Variants in ZBBX observed in about 807,000 individuals in gnomAD.
ZBBX encodes zinc finger B-box domain containing.
A neutral mutation model predicts 108.5 loss-of-function variants in ZBBX; 101 were observed. That is an observed-to-expected ratio of 0.93 (90% CI 0.79 to 1.10). The LOEUF (loss-of-function observed/expected upper bound fraction) is 1.10. Ranked by LOEUF, ZBBX falls within the 50% of genes least tolerant of loss-of-function variation. The pLI is 0.00. For missense variants in ZBBX, 1,009 were observed against 941.4 expected (o/e 1.07, Z -0.94); for synonymous variants, 356 against 323.4 (o/e 1.10, Z -1.08).
the ZBBX span, among the ~76,000 whole-genome samples, chr3:167,180,726 C>T: frequency 0.013 from 2,051 of 152,258 alleles, 22 homozygotes; most frequent in South Asian, 0.026. Flanking sequence ...GGTTGTTTAC[C>T]GCAGGAATTG....
At chr3:167,375,928 G>T (rs1213426668) in intron 2 of ZBBX, among the ~76,000 whole-genome samples, 2 of 152,172 alleles carry the variant, frequency 1.3e-5, no homozygotes, top group Non-Finnish European at 2.9e-5. Context: ...GTATTTAACT[G>T]TTCCTTTGTG....
At chr3:167,209,458 ATTC>A in the ZBBX span, among the ~76,000 whole-genome samples, 2,909 of 152,212 alleles carry the variant, frequency 0.019, 103 homozygotes, top group African/African-American at 0.067. Flanking sequence ...AATCCAGAAA[ATTC>A]TTCTGGATCT....
chr3:167,350,547 T>G (rs1472210815), intron 8 of ZBBX, 32 bp from the exon 9 acceptor site: 1 of 1,427,878 alleles, frequency 7.0e-7, no homozygotes, highest in East Asian at 2.4e-5. Flanking sequence ...AATTATACAA[T>G]CTTATAAAAT....
At chr3:167,230,978 C>T in the ZBBX span, among the ~76,000 whole-genome samples, 1 of 151,682 alleles carries the variant, frequency 6.6e-6, no homozygotes, top group South Asian at 2.1e-4. Flanking sequence ...GTTAACGAGA[C>T]TCACTGCAAA....
At chr3:167,246,685 G>A (rs760851246) in intron 20 of ZBBX, among the ~76,000 whole-genome samples, 1 of 152,178 alleles carries the variant, frequency 6.6e-6, no homozygotes, top group Admixed American at 6.5e-5. Context: ...ATGCTTTAAA[G>A]TGCATTATTA....
intron 1 of ZBBX, among the ~76,000 whole-genome samples, chr3:167,406,173 A>G (rs1369349993): frequency 3.9e-5 from 6 of 152,258 alleles, no homozygotes. Flanking sequence ...ATAGTCTTCA[A>G]TAACATTTTT....
intron 9 of ZBBX, among the ~76,000 whole-genome samples, chr3:167,336,415 C>T (rs966358119): frequency 1.3e-5 from 2 of 152,096 alleles, no homozygotes; most frequent in Non-Finnish European, 1.5e-5. Flanking sequence ...TCTAGAACAT[C>T]ATACTCTTAA....
chr3:167,399,849 C>G (rs1263840621), intron 1 of ZBBX, among the ~76,000 whole-genome samples: 1 of 152,028 alleles, frequency 6.6e-6, no homozygotes, highest in Non-Finnish European at 1.5e-5. Flanking sequence ...TTTTCTAGCC[C>G]TATTCCCCCT....
chr3:167,256,122 C>T (rs1482142376), intron 20 of ZBBX, among the ~76,000 whole-genome samples: 1 of 152,076 alleles, frequency 6.6e-6, no homozygotes, highest in African/African-American at 2.4e-5. Flanking sequence ...TCCATGTTGT[C>T]ACAAATGACA....
intron 17 of ZBBX, among the ~76,000 whole-genome samples, chr3:167,301,445 A>G (rs993604867): frequency 6.6e-6 from 1 of 152,228 alleles, no homozygotes; most frequent in African/African-American, 2.4e-5. Flanking sequence ...GAACGGCAGG[A>G]AAGAGTTTTC....
At chr3:167,276,341 GA>G in intron 20 of ZBBX, among the ~76,000 whole-genome samples, 1 of 151,494 alleles carries the variant, frequency 6.6e-6, no homozygotes, top group East Asian at 1.9e-4. Context: ...TGAAAACTTT[GA>G]AAAAAATTTA....
At chr3:167,323,246 G>GA in intron 11 of ZBBX, among the ~76,000 whole-genome samples, 1 of 149,230 alleles carries the variant, frequency 6.7e-6, no homozygotes, top group East Asian at 2.0e-4. Context: ...AGAGGGGGGG[G>GA]GGGGAAAGAA....
At chr3:167,373,626 A>C (rs1577119039) in intron 3 of ZBBX, 80 bp downstream of exon 3, 1 of 152,216 alleles carries the variant, frequency 6.6e-6, no homozygotes, top group African/African-American at 2.4e-5. Context: ...ATGTATGTAC[A>C]TACTATATTC....
At position 167,314,089 on chromosome 3, in the gene ZBBX, A is replaced by G. The variant is rs1347609746; in HGVS notation, c.1302T>C (p.Asn434=). ...RSCAFHDCQK[N]SFPYENGIHQ... ...GGATGCCATTTTCATATGGAAAGCTATTCTTCTGACAATCATGAAAAGCAC... is the reference window on the plus strand; with the variant it reads ...GGATGCCATTTTCATATGGAAAGCTGTTCTTCTGACAATCATGAAAAGCAC... Residue 434 remains asparagine, a synonymous_variant, in exon 16 of 22, where the codon AAT becomes AAC. Coordinates refer to ENST00000675490, the MANE Select transcript of ZBBX (RefSeq NM_001199201.2). 6.3e-7 allele frequency: 1 copy of G among 1,599,626 alleles called. No homozygotes were observed. The highest frequency in any genetic ancestry group is 1.3e-5 in the African/African-American group (1 of 74,346).
At chr3:167,380,410 G>A (rs1214404365), upstream of ZBBX, 1 of 151,806 alleles carries the variant, frequency 6.6e-6, no homozygotes, top group Non-Finnish European at 1.5e-5. Context: ...AGGAGCCTGC[G>A]AAATGAGAGA....
intron 1 of ZBBX, among the ~76,000 whole-genome samples, chr3:167,407,053 C>G (rs1748606677): frequency 6.6e-6 from 1 of 152,154 alleles, no homozygotes; most frequent in African/African-American, 2.4e-5. Flanking sequence ...CCTTGTTTTT[C>G]AAGTGGTCAC....
chr3:167,385,214 C>T (rs1747874297), upstream of ZBBX, among the ~76,000 whole-genome samples: 1 of 151,920 alleles, frequency 6.6e-6, no homozygotes, highest in Non-Finnish European at 1.5e-5. Flanking sequence ...TTTGGTATAG[C>T]CTATTGCTTC....
intron 20 of ZBBX, among the ~76,000 whole-genome samples, chr3:167,275,649 T>C (rs531122413): frequency 1.3e-5 from 2 of 152,314 alleles, no homozygotes; most frequent in Admixed American, 1.3e-4. Context: ...ATCTCGCTGA[T>C]TGCTAGCACA....
chr3:167,247,454 A>T lies in ZBBX; in HGVS notation c.2255-4811T>A, dbSNP rs147345991. Among the ~76,000 whole-genome samples, 547 of 152,248 alleles carry T rather than the reference A, an allele frequency of 3.6e-3. 2 individuals are homozygous for T. The highest frequency in any genetic ancestry group is 0.013 in the African/African-American group (526 of 41,546). On this transcript the variant is annotated intron_variant, in intron 20 of 21. Transcript: ENST00000675490. ...TTCCACTCAATAAAACTTTGCACTCATTCTCAAAGACCACGTGTGATCCAA... is the reference window on the plus strand; with the variant it reads ...TTCCACTCAATAAAACTTTGCACTCTTTCTCAAAGACCACGTGTGATCCAA...
Sources: gnomAD v4.1 joint callset for allele counts (sites outside exome capture counted in the v4.1 genomes callset) on GRCh38, gnomAD v4.1.1 for gene constraint, MANE v1.5 for transcripts, NCBI Gene and HGNC (gene_info 2026-07-23, HGNC 2026-07-21) for gene names.